Variants in KDM4B observed in about 807,000 individuals in gnomAD.
KDM4B encodes the protein lysine-specific demethylase 4B.
In KDM4B, 32 loss-of-function variants were observed where a neutral mutation model predicts 125.2. That is an observed-to-expected ratio of 0.26 (90% confidence interval 0.19 to 0.34). KDM4B has a LOEUF of 0.34. KDM4B is among the 10% of genes least tolerant of loss of function. The pLI, the probability that KDM4B is intolerant of heterozygous loss-of-function variation, is 1.00. For missense variants in KDM4B, 1,190 were observed against 1,577.7 expected (o/e 0.75, Z 4.16); for synonymous variants, 721 against 677.9 (o/e 1.06, Z -0.99).
In KDM4B at chr19:5,089,111, C is replaced by T. The variant is rs73919735; in HGVS notation, c.918+6607C>T. 2.2e-3 allele frequency among the ~76,000 whole-genome samples: 328 copies of T among 152,270 alleles called. 4 individuals carry two copies. Among genetic ancestry groups the T allele is most frequent in the African/African-American group, 6.8e-3 (283 of 41,564 alleles). ...GATGAAAATGCTCTACCTTTGATGGCGAAGATGGTCTCCCCACTCTGTGAA... is the reference window on the plus strand; with the variant it reads ...GATGAAAATGCTCTACCTTTGATGGTGAAGATGGTCTCCCCACTCTGTGAA... On this transcript the variant is annotated intron_variant, in intron 9 of 22. Coordinates refer to ENST00000159111, the MANE Select transcript of KDM4B (RefSeq NM_015015.3).
rs1387772117 is a variant in KDM4B at position 5,150,410 on chromosome 19, C to A, written c.3074C>A (p.Thr1025Asn). The A allele has an allele frequency of 6.4e-7, 1 of 1,551,318 alleles. No individual in the cohort carries two copies. The highest frequency in any genetic ancestry group is 1.2e-5 in the South Asian group (1 of 84,060). ...ACGGTGAAGCGTGGGGACATCTTCACCCTGGAGGAGGAGCTGCCCAAGAGG... is the reference window on the plus strand; with the variant it reads ...ACGGTGAAGCGTGGGGACATCTTCAACCTGGAGGAGGAGCTGCCCAAGAGG... ...QLTVKRGDIF[T>N]LEEELPKRVR... Residue 1025 changes from threonine (T) to asparagine (N), a missense_variant, in exon 22 of 23, where the codon ACC (threonine) becomes AAC (asparagine). By Grantham distance (65) the Thr-to-Asn change is moderately conservative (BLOSUM62 0). Around this residue, in one of 7 missense-constraint regions of KDM4B, gnomAD observed 298 missense variants for 439.7 expected, o/e 0.68. Transcript: ENST00000159111.
intron 6 of KDM4B, among the ~76,000 whole-genome samples, chr19:5,049,896 C>T (rs533829401): frequency 6.6e-6 from 1 of 152,178 alleles, no homozygotes; most frequent in East Asian, 1.9e-4. Flanking sequence ...AGGCTGCCCT[C>T]CCAACTTGCA....
chr19:5,010,205 G>A (rs1279507133), intron 1 of KDM4B, among the ~76,000 whole-genome samples: 1 of 152,204 alleles, frequency 6.6e-6, no homozygotes, highest in African/African-American at 2.4e-5. Context: ...AGAGCACCAG[G>A]CAGATGTTTT....
At chr19:5,044,035 C>T (rs34248178) in intron 5 of KDM4B, among the ~76,000 whole-genome samples, 46 of 40,298 alleles carry the variant, frequency 1.1e-3, no homozygotes, top group South Asian at 1.4e-3. Context: ...TTATCCCACG[C>T]GGTGTTTATC....
intron 5 of KDM4B, among the ~76,000 whole-genome samples, chr19:5,046,190 G>A (rs2037019774): frequency 6.6e-6 from 1 of 152,244 alleles, no homozygotes. Context: ...GCCAGCCCAG[G>A]CCGACCTGCC....
chr19:5,070,859 C>A, intron 6 of KDM4B, 151 bp from the exon 7 acceptor site: 3 of 673,690 alleles, frequency 4.5e-6, no homozygotes, highest in South Asian at 2.1e-5. Context: ...CCCCCACCCC[C>A]GGCCATCCCC....
At chr19:5,019,270 ATGT>A (rs2035995421) in intron 2 of KDM4B, among the ~76,000 whole-genome samples, 1 of 43,108 alleles carries the variant, frequency 2.3e-5, no homozygotes, top group South Asian at 7.4e-4. Flanking sequence ...GTTGGTGTGG[ATGT>A]TGGTGTGGAC....
At chr19:4,989,400 C>T (rs371712169) in intron 1 of KDM4B, among the ~76,000 whole-genome samples, 24 of 152,232 alleles carry the variant, frequency 1.6e-4, no homozygotes, top group African/African-American at 4.8e-4. Context: ...TGCAGTGGCA[C>T]GATCTTGGCT....
chr19:5,101,221 T>C (rs1315453923), intron 9 of KDM4B, among the ~76,000 whole-genome samples: 1 of 90,080 alleles, frequency 1.1e-5, no homozygotes, highest in African/African-American at 4.5e-5. Flanking sequence ...AGACTCCGTC[T>C]CAAAAAAAAA....
Position 5,088,436 on chromosome 19 carries a change from C to T in KDM4B, c.918+5932C>T, listed in dbSNP as rs771164745. 3.3e-5 allele frequency among the ~76,000 whole-genome samples: 5 copies of T among 152,372 alleles called. No homozygotes were observed. In the South Asian group the frequency reaches 1.0e-3, roughly 32 times the overall value. Reference sequence around the variant, plus strand: ...GACACCACGGATACAAACCCTCACTCCCCTGGCCCCTAGAGCTGAGCAGAG... The same window carrying T: ...GACACCACGGATACAAACCCTCACTTCCCTGGCCCCTAGAGCTGAGCAGAG... On this transcript the variant is annotated intron_variant, in intron 9 of 22. Coordinates refer to ENST00000159111, the MANE Select transcript of KDM4B (RefSeq NM_015015.3).
At chr19:5,136,050 C>T (rs552952407) in intron 15 of KDM4B, among the ~76,000 whole-genome samples, 2 of 152,368 alleles carry the variant, frequency 1.3e-5, no homozygotes, top group Non-Finnish European at 1.5e-5. Flanking sequence ...GCTGTCTCTG[C>T]CAAGCAGCCT....
intron 6 of KDM4B, among the ~76,000 whole-genome samples, chr19:5,069,644 C>G (rs1440442486): frequency 7.1e-6 from 1 of 139,926 alleles, no homozygotes. Context: ...GACAGAGTCT[C>G]ACTCTCTCGC....
At chr19:5,030,192 G>T (rs1165970273) in intron 2 of KDM4B, among the ~76,000 whole-genome samples, 1 of 152,070 alleles carries the variant, frequency 6.6e-6, no homozygotes, top group Non-Finnish European at 1.5e-5. Context: ...CTGAAGCCTC[G>T]ACCTCCCAGG....
At chr19:5,076,200 C>T (rs75298572) in intron 7 of KDM4B, 3 of 47,506 alleles carry the variant, frequency 6.3e-5, no homozygotes, top group Non-Finnish European at 1.1e-4. Context: ...GACCGAGTGA[C>T]GAGAGCGGCC....
intron 1 of KDM4B, among the ~76,000 whole-genome samples, chr19:4,976,127 T>C (rs2034435853): frequency 4.6e-5 from 7 of 151,222 alleles, no homozygotes; most frequent in Admixed American, 4.6e-4. Context: ...TGTATGCCTG[T>C]AATCCCAGCT....
chr19:5,069,085 A>G (rs1038338121), intron 6 of KDM4B, among the ~76,000 whole-genome samples: 7 of 152,094 alleles, frequency 4.6e-5, no homozygotes, highest in African/African-American at 1.4e-4. Context: ...TCTCATCTTT[A>G]TGTAAATCAT....
chr19:5,087,217 G>A (rs373253377), intron 9 of KDM4B, among the ~76,000 whole-genome samples: 9 of 152,268 alleles, frequency 5.9e-5, no homozygotes, highest in African/African-American at 9.6e-5. Context: ...ATTTATTCCC[G>A]TGGGTGTCTT....
At chr19:5,002,206 C>T (rs928343226) in intron 1 of KDM4B, among the ~76,000 whole-genome samples, 1 of 152,210 alleles carries the variant, frequency 6.6e-6, no homozygotes, top group Admixed American at 6.5e-5. Flanking sequence ...CCATGTTGGT[C>T]AGGCTGGTCT....
At chr19:5,149,640 C>T (rs938245178) in intron 21 of KDM4B, among the ~76,000 whole-genome samples, 3 of 152,326 alleles carry the variant, frequency 2.0e-5, no homozygotes, top group Non-Finnish European at 1.5e-5. Context: ...CTCCCTGGCA[C>T]GCCCTTCATG....
Sources: allele counts gnomAD v4.1 joint callset (sites outside exome capture counted in the v4.1 genomes callset), GRCh38; gene constraint gnomAD v4.1.1; regional missense constraint gnomAD v4.1.1; transcripts MANE v1.5; gene names NCBI Gene and HGNC (gene_info 2026-07-23, HGNC 2026-07-21).